Variants in HTR4 observed in about 807,000 individuals in gnomAD.
The protein encoded by HTR4 is 5-hydroxytryptamine (serotonin) receptor 4, G protein-coupled.
HTR4 carries 16 observed loss-of-function variants against 36.8 expected under a neutral mutation model. The observed-to-expected ratio is 0.43, with a 90% CI of 0.29 to 0.66. HTR4 has a LOEUF of 0.66. Ranked by LOEUF, HTR4 falls within the 30% of genes least tolerant of loss-of-function variation. The pLI, the probability that HTR4 is intolerant of heterozygous loss-of-function variation, is 0.13. For missense variants in HTR4, 438 were observed against 490.9 expected (o/e 0.89, Z 1.02); for synonymous variants, 189 against 185.1 (o/e 1.02, Z -0.17).
chr5:148,510,941 T>A (rs186786141), intron 5 of HTR4, among the ~76,000 whole-genome samples: 2 of 152,126 alleles, frequency 1.3e-5, no homozygotes, highest in Non-Finnish European at 2.9e-5. Flanking sequence ...TAGGGCAAGG[T>A]CATGAGGGAC....
At chr5:148,480,069 T>C (rs1224778089), downstream of HTR4, among the ~76,000 whole-genome samples, 1 of 152,184 alleles carries the variant, frequency 6.6e-6, no homozygotes, top group African/African-American at 2.4e-5. Flanking sequence ...TCATAGGATT[T>C]GTATATATAT....
intron 6 of HTR4, among the ~76,000 whole-genome samples, chr5:148,497,052 T>A (rs1756717573): frequency 1.3e-5 from 2 of 152,336 alleles, no homozygotes; most frequent in African/African-American, 4.8e-5. Flanking sequence ...CTATCCACAA[T>A]GAACCTTTAG....
intron 2 of HTR4, among the ~76,000 whole-genome samples, chr5:148,563,834 T>C (rs1009239705): frequency 2.6e-5 from 4 of 152,186 alleles, no homozygotes; most frequent in African/African-American, 9.7e-5. Flanking sequence ...CTATATCAGG[T>C]ACTTGAACAT....
chr5:148,495,548 G>C (rs1345487103), intron 6 of HTR4, among the ~76,000 whole-genome samples: 1 of 152,146 alleles, frequency 6.6e-6, no homozygotes, highest in Non-Finnish European at 1.5e-5. Flanking sequence ...GATACAACAG[G>C]CTGCAAGACT....
At chr5:148,479,059 G>T (rs186034639), downstream of HTR4, among the ~76,000 whole-genome samples, 1 of 151,780 alleles carries the variant, frequency 6.6e-6, no homozygotes, top group East Asian at 2.0e-4. Context: ...CTCAATCCAA[G>T]ACCTCCAGAT....
In HTR4 at chr5:148,538,673, C is replaced by T. The variant is rs529780863; in HGVS notation, c.353+9995G>A. ...CCAGGAATCCACCTAACCAGGGAGGCGAAAGAGCTCTACAATGAGAATTAC... is the reference window on the plus strand; with the variant it reads ...CCAGGAATCCACCTAACCAGGGAGGTGAAAGAGCTCTACAATGAGAATTAC... On this transcript the variant is annotated intron_variant, in intron 4 of 6. Coordinates refer to ENST00000377888, the MANE Select transcript of HTR4 (RefSeq NM_000870.7). 1.5e-4 allele frequency among the ~76,000 whole-genome samples: 23 copies of T among 151,882 alleles called. No homozygotes were observed. In the South Asian group the frequency reaches 2.7e-3, roughly 18 times the overall value.
chr5:148,456,538 T>A (rs1484549953), intron 5 of HTR4, among the ~76,000 whole-genome samples: 1 of 152,204 alleles, frequency 6.6e-6, no homozygotes, highest in African/African-American at 2.4e-5. Context: ...CTACTAGTTA[T>A]GAGGCATGGT....
chr5:148,632,377 A>C (rs1392493606), intron 2 of HTR4, among the ~76,000 whole-genome samples: 1 of 152,158 alleles, frequency 6.6e-6, no homozygotes. Context: ...TTAATAAGAA[A>C]GCACAACAGT....
intron 2 of HTR4, among the ~76,000 whole-genome samples, chr5:148,632,866 C>T (rs574587770): frequency 6.6e-6 from 1 of 152,248 alleles, no homozygotes; most frequent in Admixed American, 6.5e-5. Flanking sequence ...TTTCTGAAGT[C>T]AGGCATTAAG....
chr5:148,594,782 C>T (rs929276674), intron 2 of HTR4, among the ~76,000 whole-genome samples: 2 of 152,150 alleles, frequency 1.3e-5, no homozygotes, highest in South Asian at 2.1e-4. Context: ...CTGGCTTTAA[C>T]CCTAATCTTG....
At position 148,548,844 on chromosome 5, in the gene HTR4, A is replaced by G. The variant is rs1350566235; in HGVS notation, c.177T>C (p.Ile59=). The G allele has an allele frequency of 6.2e-7, 1 of 1,613,960 alleles. No individual in the cohort carries two copies. Among genetic ancestry groups the G allele is most frequent in the East Asian group, 2.2e-5 (1 of 44,832 alleles). The change falls in exon 4 of 7, where the codon ATT becomes ATC. Residue 59 remains isoleucine (I), a synonymous_variant. Coordinates refer to ENST00000377888, the MANE Select transcript of HTR4 (RefSeq NM_000870.7). ...GCAGATCCGCAAAAGCAAGAGATAC[A>G]ATGAAATAATTTGTTTTTATTTTCC... ...QLRKIKTNYF[I]VSLAFADLLV... is the part of the protein sequence containing the mutation.
intron 2 of HTR4, among the ~76,000 whole-genome samples, chr5:148,552,494 C>T (rs1465581536): frequency 6.6e-6 from 1 of 152,152 alleles, no homozygotes; most frequent in Non-Finnish European, 1.5e-5. Flanking sequence ...TCTTCCCTGT[C>T]CTTCTTAGAG....
At chr5:148,627,934 C>A (rs1018668739) in intron 2 of HTR4, among the ~76,000 whole-genome samples, 2 of 152,184 alleles carry the variant, frequency 1.3e-5, no homozygotes, top group African/African-American at 4.8e-5. Context: ...AGGTGGAAAG[C>A]CCTCCAGGGC....
chr5:148,543,211 A>G (rs1382512434), intron 4 of HTR4, among the ~76,000 whole-genome samples: 1 of 152,190 alleles, frequency 6.6e-6, no homozygotes, highest in African/African-American at 2.4e-5. Context: ...GAGCTGATGG[A>G]CAGCATAGGG....
intron 5 of HTR4, among the ~76,000 whole-genome samples, chr5:148,466,111 T>C (rs1253284304): frequency 6.6e-6 from 1 of 152,172 alleles, no homozygotes; most frequent in East Asian, 1.9e-4. Context: ...ACAACATGGT[T>C]ATGCCACAGT....
intron 6 of HTR4, among the ~76,000 whole-genome samples, chr5:148,492,127 T>C (rs1303380561): frequency 1.3e-5 from 2 of 152,128 alleles, no homozygotes; most frequent in East Asian, 3.9e-4. Flanking sequence ...GCATGCATAA[T>C]CCCTTTTTAC....
At chr5:148,476,730 T>G (rs767599239), downstream of HTR4, 1 of 1,613,560 alleles carries the variant, frequency 6.2e-7, no homozygotes, top group South Asian at 1.1e-5. Flanking sequence ...GCCACAGTCC[T>G]CAAGGAGCTC....
At chr5:148,587,608 CT>C (rs1761394677) in intron 2 of HTR4, among the ~76,000 whole-genome samples, 1 of 152,168 alleles carries the variant, frequency 6.6e-6, no homozygotes, top group Admixed American at 6.5e-5. Flanking sequence ...TAATGATACA[CT>C]TGTGCCTTCA....
intron 5 of HTR4, among the ~76,000 whole-genome samples, chr5:148,471,206 A>G (rs961894218): frequency 6.6e-6 from 1 of 152,132 alleles, no homozygotes; most frequent in Non-Finnish European, 1.5e-5. Flanking sequence ...TCTCCAGTCA[A>G]TTTTCAAATT....
Sources: allele counts gnomAD v4.1 joint callset (sites outside exome capture counted in the v4.1 genomes callset), GRCh38; gene constraint gnomAD v4.1.1; transcripts MANE v1.5; gene names NCBI Gene and HGNC (gene_info 2026-07-23, HGNC 2026-07-21).